PHEX: variants seen among roughly 807,000 people sequenced by gnomAD.
PHEX encodes phosphate-regulating neutral endopeptidase PHEX.
In PHEX, 16 loss-of-function variants were observed where a neutral mutation model predicts 68.0. The observed-to-expected ratio is 0.24, with a 90% CI of 0.16 to 0.36. The LOEUF is 0.36. Among genes scored for constraint, PHEX ranks in the 10% least tolerant of loss-of-function variants. The pLI is 1.00. For missense variants in PHEX, 480 were observed against 575.5 expected (o/e 0.83, Z 1.70); for synonymous variants, 208 against 205.1 (o/e 1.01, Z -0.12).
chrX:22,182,599 TG>T (rs1354041362), intron 14 of PHEX, among the ~76,000 whole-genome samples: 10 of 107,310 alleles, frequency 9.3e-5, no homozygotes, highest in African/African-American at 3.7e-4. Flanking sequence ...GCTTTGTGTG[TG>T]TGTGTGTGTG....
intron 15 of PHEX, among the ~76,000 whole-genome samples, chrX:22,192,601 C>T (rs1471265102): frequency 8.9e-6 from 1 of 111,958 alleles, no homozygotes; most frequent in Non-Finnish European, 1.9e-5. Context: ...GTTTATAGAG[C>T]ACACCTGACA....
chrX:22,124,686 A>G (rs1391999890), intron 11 of PHEX, among the ~76,000 whole-genome samples: 1 of 111,994 alleles, frequency 8.9e-6, no homozygotes, highest in South Asian at 3.7e-4. Flanking sequence ...ACAGGAAAAG[A>G]TGAGTTATAA....
intron 18 of PHEX, among the ~76,000 whole-genome samples, chrX:22,222,247 A>G (rs1447867614): frequency 9.0e-6 from 1 of 111,674 alleles, no homozygotes; most frequent in East Asian, 2.8e-4. Context: ...CAACTGTGAC[A>G]TGAGAAGACC....
intron 12 of PHEX, among the ~76,000 whole-genome samples, chrX:22,165,380 C>T (rs1933277317): frequency 9.0e-6 from 1 of 111,729 alleles, no homozygotes; most frequent in South Asian, 3.8e-4. Context: ...CATCTCAGAA[C>T]TAGTCTGATC....
At chrX:22,143,369 C>A (rs5951707) in intron 12 of PHEX, among the ~76,000 whole-genome samples, 22,929 of 111,384 alleles carry the variant, frequency 0.21, 1,968 homozygotes, top group East Asian at 0.41. Flanking sequence ...ATTACACATT[C>A]TATGCAGGTA....
intron 3 of PHEX, among the ~76,000 whole-genome samples, chrX:22,074,528 T>C (rs1333044380): frequency 2.7e-5 from 3 of 110,813 alleles, no homozygotes; most frequent in Non-Finnish European, 5.7e-5. Context: ...GCTTTTAGTT[T>C]TTTTTGCTCC....
intron 12 of PHEX, among the ~76,000 whole-genome samples, chrX:22,134,510 T>C (rs1035338081): frequency 8.9e-6 from 1 of 112,375 alleles, no homozygotes; most frequent in African/African-American, 3.2e-5. Flanking sequence ...GGAGAATCGC[T>C]TGAGCCTGGG....
At chrX:22,145,672 C>T (rs996473749) in intron 12 of PHEX, among the ~76,000 whole-genome samples, 1 of 110,550 alleles carries the variant, frequency 9.0e-6, no homozygotes, top group African/African-American at 3.3e-5. Flanking sequence ...GGCTTGAAAC[C>T]ACTGACTTAA....
chrX:22,227,194 A>T (rs1365259109), intron 19 of PHEX, among the ~76,000 whole-genome samples: 1 of 112,566 alleles, frequency 8.9e-6, no homozygotes, highest in African/African-American at 3.2e-5. Flanking sequence ...GTATTGCCAT[A>T]GGGGCCTTGC....
intron 15 of PHEX, among the ~76,000 whole-genome samples, chrX:22,208,218 A>T (rs1934775104): frequency 8.9e-6 from 1 of 111,817 alleles, no homozygotes. Flanking sequence ...AACCACTGTG[A>T]TCACTTTGAT....
chrX:22,164,404 T>C (rs759002237), intron 12 of PHEX, among the ~76,000 whole-genome samples: 3 of 112,004 alleles, frequency 2.7e-5, no homozygotes, highest in African/African-American at 9.7e-5. Flanking sequence ...GGGAGGTAAA[T>C]AGGGATTCTT....
At chrX:22,048,573 C>T (rs1486997774) in intron 3 of PHEX, among the ~76,000 whole-genome samples, 1 of 111,661 alleles carries the variant, frequency 9.0e-6, no homozygotes, top group Non-Finnish European at 1.9e-5. Flanking sequence ...GCTCCTTTTG[C>T]ATTTGTTATA....
rs749526259 is a variant in PHEX at position 22,119,536 on chromosome X, A to G, written c.1302+4950A>G. 3.1e-3 allele frequency among the ~76,000 whole-genome samples: 336 copies of G among 109,594 alleles called. 2 individuals are homozygous for G. The highest frequency in any genetic ancestry group is 5.3e-3 in the Non-Finnish European group (281 of 52,541). On this transcript the variant is annotated intron_variant, in intron 11 of 21. Transcript: ENST00000379374. Reference sequence around the variant, plus strand: ...TTCAGGAAGGATGTCTAGAGTTATCACTTGCTAATTTTCCCCTTTATTTAT... The same window carrying G: ...TTCAGGAAGGATGTCTAGAGTTATCGCTTGCTAATTTTCCCCTTTATTTAT...
intron 15 of PHEX, among the ~76,000 whole-genome samples, chrX:22,203,401 A>G (rs1934617829): frequency 9.1e-6 from 1 of 110,401 alleles, no homozygotes; most frequent in South Asian, 3.9e-4. Flanking sequence ...CATCTTGCTG[A>G]ATCCCTTGAC....
At chrX:22,134,165 C>G (rs1388650484) in intron 12 of PHEX, among the ~76,000 whole-genome samples, 1 of 112,562 alleles carries the variant, frequency 8.9e-6, no homozygotes, top group Admixed American at 9.5e-5. Context: ...GACCAGTGTT[C>G]TACCATTGCT....
rs192005021 is a variant in PHEX at position 22,194,320 on chromosome X, T to C, written c.1645+3818T>C. 2.7e-5 allele frequency among the ~76,000 whole-genome samples: 3 copies of C among 111,904 alleles called. No individual in the cohort carries two copies. The East Asian group carries it at 8.5e-4, about 32-fold the overall frequency. On this transcript the variant is annotated intron_variant, in intron 15 of 21. Coordinates refer to ENST00000379374, the MANE Select transcript of PHEX (RefSeq NM_000444.6). ...GATGACAAGGAATCCTTTGGGTGAC[T>C]TTTTTTTCCCCTCTCTCCTTTCTGA...
At chrX:22,161,024 A>G (rs1933106698) in intron 12 of PHEX, among the ~76,000 whole-genome samples, 1 of 109,577 alleles carries the variant, frequency 9.1e-6, no homozygotes, top group African/African-American at 3.3e-5. Context: ...AATCCCAGCT[A>G]CTCGGTGGGA....
chrX:22,234,363 C>G (rs1460630602), intron 20 of PHEX, among the ~76,000 whole-genome samples: 1 of 112,281 alleles, frequency 8.9e-6, no homozygotes. Context: ...TGAAGCTGTG[C>G]CCACAGCTGC....
intron 19 of PHEX, 151 bp downstream of exon 19, chrX:22,226,659 A>G: frequency 1.9e-6 from 1 of 525,958 alleles, no homozygotes; most frequent in Non-Finnish European, 3.4e-6. Context: ...CTCCCCATTG[A>G]CCCTATTACA....
Sources: allele counts gnomAD v4.1 joint callset (sites outside exome capture counted in the v4.1 genomes callset), GRCh38; gene constraint gnomAD v4.1.1; transcripts MANE v1.5; gene names NCBI Gene and HGNC (gene_info 2026-07-23, HGNC 2026-07-21).